KIAA1549L: variants seen among roughly 807,000 people sequenced by gnomAD.
KIAA1549L encodes the protein KIAA1549 like, also known as UPF0606 protein KIAA1549L.
In KIAA1549L, 88 loss-of-function variants were observed where a neutral mutation model predicts 160.7. The observed-to-expected ratio is 0.55, with a 90% CI of 0.46 to 0.65. The LOEUF (loss-of-function observed/expected upper bound fraction) is 0.65, where lower values mean the gene tolerates loss of function less well. Ranked by LOEUF, KIAA1549L falls within the 30% of genes least tolerant of loss-of-function variation. The probability of loss-of-function intolerance (pLI) is 0.00; values close to 1 mark genes in which losing one functional copy is unlikely to be tolerated. For synonymous variants in KIAA1549L, 950 were observed against 976.7 expected, an observed-to-expected ratio of 0.97 and a Z score of 0.51; for missense variants, 2,258 against 2,437.5, an observed-to-expected ratio of 0.93 and a Z score of 1.55.
At chr11:33,606,540 GAGTAA>G (rs1444800343) in intron 13 of KIAA1549L, 96 bp from the exon 14 acceptor site, 9 of 1,173,996 alleles carry the variant, frequency 7.7e-6, no homozygotes, top group African/African-American at 3.1e-5. Flanking sequence ...AGGTTGTTTT[GAGTAA>G]AGTAATGTCC....
chr11:33,458,731 G>T (rs1366052228), intron 1 of KIAA1549L, among the ~76,000 whole-genome samples: 4 of 152,224 alleles, frequency 2.6e-5, no homozygotes, highest in Non-Finnish European at 5.9e-5. Context: ...AGGGCAAGTG[G>T]CCCCTACCCA....
At chr11:33,554,412 A>C (rs1472185992) in intron 6 of KIAA1549L, among the ~76,000 whole-genome samples, 1 of 152,252 alleles carries the variant, frequency 6.6e-6, no homozygotes, top group African/African-American at 2.4e-5. Flanking sequence ...AAGCAAAAAG[A>C]GGAAGTGATT....
intron 1 of KIAA1549L, among the ~76,000 whole-genome samples, chr11:33,467,041 C>G (rs1249005739): frequency 6.6e-6 from 1 of 152,100 alleles, no homozygotes; most frequent in African/African-American, 2.4e-5. Flanking sequence ...ATGGGTGCAG[C>G]AAACCAACCT....
chr11:33,651,288 T>G (rs1289528225), intron 17 of KIAA1549L, among the ~76,000 whole-genome samples: 1 of 151,872 alleles, frequency 6.6e-6, no homozygotes, highest in East Asian at 1.9e-4. Context: ...AATAGAAAAA[T>G]TAGCCAGGCA....
At chr11:33,382,826 G>A (rs1006593588) in intron 1 of KIAA1549L, among the ~76,000 whole-genome samples, 1 of 152,080 alleles carries the variant, frequency 6.6e-6, no homozygotes, top group African/African-American at 2.4e-5. Context: ...CCCTCTCCCT[G>A]CCCTGGGACT....
At chr11:33,562,851 T>G (rs1854913519) in intron 8 of KIAA1549L, among the ~76,000 whole-genome samples, 1 of 151,826 alleles carries the variant, frequency 6.6e-6, no homozygotes, top group Non-Finnish European at 1.5e-5. Flanking sequence ...GCTAATTTTT[T>G]TGTATTTTTA....
chr11:33,431,967 C>T (rs1050758650), intron 1 of KIAA1549L, among the ~76,000 whole-genome samples: 1 of 152,248 alleles, frequency 6.6e-6, no homozygotes, highest in Non-Finnish European at 1.5e-5. Flanking sequence ...CCAGTACGCC[C>T]TCCGTAGCCA....
rs1294568526 is a variant in KIAA1549L, at chr11:33,598,963, T to A, written c.4879+16T>A. The A allele has an allele frequency of 9.3e-6, 15 of 1,611,728 alleles. No homozygotes were observed. The African/African-American group carries it at 2.0e-4, about 22-fold the overall frequency. On this transcript the variant is annotated intron_variant, in intron 13 of 20. Coordinates refer to ENST00000658780, the MANE Select transcript of KIAA1549L (RefSeq NM_012194.3). The stretch of plus-strand genomic sequence containing the variant: ...AAGAGAAATGGTGAGAAGCCTTCCC[T>A]CCAAGAACCACCCCCAGCTGCTCCC...
At chr11:33,607,127 C>T (rs907420217) in intron 14 of KIAA1549L, among the ~76,000 whole-genome samples, 1 of 152,106 alleles carries the variant, frequency 6.6e-6, no homozygotes, top group African/African-American at 2.4e-5. Context: ...ACACACACAG[C>T]CTTTTGCCTT....
chr11:33,644,797 C>T (rs1387940983), intron 16 of KIAA1549L, among the ~76,000 whole-genome samples: 1 of 152,264 alleles, frequency 6.6e-6, no homozygotes, highest in African/African-American at 2.4e-5. Flanking sequence ...GTCCCTATCT[C>T]TTCCCTTCTG....
At chr11:33,434,652 C>G (rs1003585189) in intron 1 of KIAA1549L, among the ~76,000 whole-genome samples, 1 of 152,194 alleles carries the variant, frequency 6.6e-6, no homozygotes, top group Admixed American at 6.5e-5. Context: ...ATTTGGGTCA[C>G]TCAATAAATG....
At chr11:33,529,701 A>G (rs988141401) in intron 1 of KIAA1549L, among the ~76,000 whole-genome samples, 3 of 152,226 alleles carry the variant, frequency 2.0e-5, no homozygotes, top group Non-Finnish European at 4.4e-5. Flanking sequence ...CACAGCTTGT[A>G]AATCTTTTAT....
chr11:33,663,836 G>A (rs1400291427), intron 20 of KIAA1549L, among the ~76,000 whole-genome samples: 1 of 152,220 alleles, frequency 6.6e-6, no homozygotes, highest in Non-Finnish European at 1.5e-5. Context: ...GCCTGAGACA[G>A]GCAATGGCAT....
intron 1 of KIAA1549L, among the ~76,000 whole-genome samples, chr11:33,394,115 G>A (rs989863296): frequency 1.3e-4 from 20 of 152,154 alleles, no homozygotes; most frequent in African/African-American, 4.8e-4. Context: ...GCTCACACCT[G>A]TAATCCCAGC....
At chr11:33,435,818 G>GTGTATATATATATATA (rs1554976830) in intron 1 of KIAA1549L, among the ~76,000 whole-genome samples, 1 of 45,306 alleles carries the variant, frequency 2.2e-5, no homozygotes, top group Non-Finnish European at 4.3e-5. Context: ...ATATGTGTGT[G>GTGTATATATATATATA]TATATATATA....
intron 1 of KIAA1549L, among the ~76,000 whole-genome samples, chr11:33,421,798 C>T (rs1293624692): frequency 1.3e-5 from 2 of 152,112 alleles, no homozygotes; most frequent in Non-Finnish European, 2.9e-5. Context: ...CCAGTGTGAA[C>T]TCAGAGTGGT....
chr11:33,476,060 A>C (rs1852279424), intron 1 of KIAA1549L, among the ~76,000 whole-genome samples: 1 of 152,178 alleles, frequency 6.6e-6, no homozygotes, highest in South Asian at 2.1e-4. Flanking sequence ...GAAACTCCAC[A>C]CAACTGGTCT....
At chr11:33,520,613 A>C (rs1308296084) in intron 1 of KIAA1549L, among the ~76,000 whole-genome samples, 1 of 151,812 alleles carries the variant, frequency 6.6e-6, no homozygotes, top group African/African-American at 2.4e-5. Flanking sequence ...CAAAGGAAAT[A>C]TTGACACTAA....
chr11:33,414,833 G>C (rs1850856943), intron 1 of KIAA1549L, among the ~76,000 whole-genome samples: 1 of 152,042 alleles, frequency 6.6e-6, no homozygotes, highest in Admixed American at 6.5e-5. Flanking sequence ...GTGTGAGTGA[G>C]TGTGTGTGAG....
Sources: allele counts gnomAD v4.1 joint callset (sites outside exome capture counted in the v4.1 genomes callset), GRCh38; gene constraint gnomAD v4.1.1; transcripts MANE v1.5; gene names NCBI Gene and HGNC (gene_info 2026-07-23, HGNC 2026-07-21).